Variants in PLEKHA5 observed in about 807,000 individuals in gnomAD.
The protein encoded by PLEKHA5 is pleckstrin homology domain-containing family A member 5.
In PLEKHA5, 55 loss-of-function variants were observed where a neutral mutation model predicts 181.9. The ratio of observed to expected loss-of-function variants is 0.30; its 90% CI spans 0.24 to 0.38. PLEKHA5 has a LOEUF of 0.38. Among genes scored for constraint, PLEKHA5 ranks in the 10% least tolerant of loss-of-function variants. The probability of loss-of-function intolerance (pLI) is 1.00; values close to 1 mark genes in which losing one functional copy is unlikely to be tolerated. For missense variants in PLEKHA5, 1,432 were observed against 1,549.5 expected (o/e 0.92, Z 1.27); for synonymous variants, 535 against 529.4 (o/e 1.01, Z -0.15).
intron 21 of PLEKHA5, among the ~76,000 whole-genome samples, chr12:19,340,468 G>C (rs2093801139): frequency 2.2e-5 from 3 of 136,900 alleles, no homozygotes; most frequent in Middle Eastern, 3.6e-3. Context: ...ACAGCTCATT[G>C]AGAACGGGCC....
chr12:19,281,951 T>C lies in PLEKHA5; in HGVS notation c.1314-1329T>C, dbSNP rs375194873. ...CACCTGCCACCACGCCCGGCTAATT[T>C]TTTTGTATTTTTCGAAGAGACGGGG... On this transcript the variant is annotated intron_variant, in intron 11 of 31. Coordinates refer to ENST00000429027, the MANE Select transcript of PLEKHA5 (RefSeq NM_001256470.2). 1.4e-4 allele frequency among the ~76,000 whole-genome samples: 21 copies of C among 151,826 alleles called. No homozygotes were observed. The East Asian group carries it at 2.5e-3, about 18-fold the overall frequency.
At chr12:19,289,163 T>A (rs986576951) in intron 13 of PLEKHA5, among the ~76,000 whole-genome samples, 10 of 152,328 alleles carry the variant, frequency 6.6e-5, no homozygotes, top group African/African-American at 2.4e-4. Context: ...GTTCTTTTTC[T>A]CTTACATGGT....
chr12:19,275,488 G>C (rs1229574297), intron 11 of PLEKHA5, among the ~76,000 whole-genome samples: 1 of 152,202 alleles, frequency 6.6e-6, no homozygotes, highest in Non-Finnish European at 1.5e-5. Context: ...TTCAAGGCCA[G>C]GCGCAGTTTT....
intron 10 of PLEKHA5, among the ~76,000 whole-genome samples, chr12:19,274,018 G>C (rs888881097): frequency 1.3e-5 from 2 of 152,190 alleles, no homozygotes; most frequent in Non-Finnish European, 2.9e-5. Context: ...AGTTCCTCTT[G>C]AATACAAACA....
rs2091150564 is a variant in PLEKHA5 at position 19,322,625 on chromosome 12, T to C, written c.2406T>C (p.Asn802=). The C allele has an allele frequency of 1.2e-6, 2 of 1,613,826 alleles. No homozygotes were observed. Among genetic ancestry groups the C allele is most frequent in the African/African-American group, 1.3e-5 (1 of 74,900 alleles). The change falls in exon 20 of 32, where the codon AAT becomes AAC. Residue 802 remains asparagine, a synonymous_variant. Coordinates refer to ENST00000429027, the MANE Select transcript of PLEKHA5 (RefSeq NM_001256470.2). The stretch of plus-strand genomic sequence containing the variant: ...TGTTACAAAGGGATGATTTACAAAA[T>C]GGACTGCTTAGTACGTGTCGAGAAC... The part of the protein sequence containing the change: ...TVVLQRDDLQ[N]GLLSTCRELS...
intron 3 of PLEKHA5, among the ~76,000 whole-genome samples, chr12:19,171,616 C>G (rs2045912300): frequency 6.6e-6 from 1 of 152,124 alleles, no homozygotes; most frequent in Non-Finnish European, 1.5e-5. Flanking sequence ...ACCTTAGCCT[C>G]CCAGAGTGCT....
At chr12:19,354,191 G>A (rs545504499) in intron 26 of PLEKHA5, among the ~76,000 whole-genome samples, 189 bp downstream of exon 26, 2 of 105,208 alleles carry the variant, frequency 1.9e-5, no homozygotes, top group Non-Finnish European at 3.4e-5. Context: ...TCGCTCTGTC[G>A]CCCAGGCTGG....
chr12:19,200,472 T>TC, intron 3 of PLEKHA5: 1 of 1,407,448 alleles, frequency 7.1e-7, no homozygotes, highest in South Asian at 1.7e-5. Flanking sequence ...GTCTTCGTTA[T>TC]CCAGTAGCTT....
intron 3 of PLEKHA5, among the ~76,000 whole-genome samples, chr12:19,157,873 C>T (rs530795555): frequency 6.6e-6 from 1 of 152,126 alleles, no homozygotes; most frequent in South Asian, 2.1e-4. Flanking sequence ...AAAAATTCAC[C>T]AGATTGAAAA....
At chr12:19,159,806 TATTTGAAGCCCGTAGAGACAGGCAAG>T in intron 3 of PLEKHA5, among the ~76,000 whole-genome samples, 1 of 152,242 alleles carries the variant, frequency 6.6e-6, no homozygotes, top group South Asian at 2.1e-4. Context: ...TACTCAAAAG[TATTTGAAGCCCGTAGAGACAGGCAAG>T]GCCTTTAGGA....
At chr12:19,261,878 A>AT (rs2068620585) in intron 7 of PLEKHA5, among the ~76,000 whole-genome samples, 1 of 152,204 alleles carries the variant, frequency 6.6e-6, no homozygotes. Context: ...AAGCATTGTA[A>AT]TACATATTAA....
chr12:19,319,981 T>C (rs562443942), intron 16 of PLEKHA5, 40 bp from the exon 17 acceptor site: 2 of 1,295,828 alleles, frequency 1.5e-6, no homozygotes, highest in South Asian at 2.7e-5. Flanking sequence ...GATTTTCCTC[T>C]TTTCAATTAA....
At chr12:19,251,842 A>G (rs1254513852) in intron 3 of PLEKHA5, among the ~76,000 whole-genome samples, 2 of 151,678 alleles carry the variant, frequency 1.3e-5, no homozygotes, top group Non-Finnish European at 2.9e-5. Context: ...AAACTTTGGT[A>G]GAATTGAGAA....
chr12:19,339,627 A>C (rs2093704477), intron 21 of PLEKHA5, among the ~76,000 whole-genome samples: 1 of 152,154 alleles, frequency 6.6e-6, no homozygotes, highest in Non-Finnish European at 1.5e-5. Context: ...TTTCTAAAGA[A>C]ATTTCTGAAA....
At chr12:19,361,224 C>T (rs1197848484) in intron 28 of PLEKHA5, among the ~76,000 whole-genome samples, 1 of 152,158 alleles carries the variant, frequency 6.6e-6, no homozygotes, top group Non-Finnish European at 1.5e-5. Context: ...CGCTCTGTCA[C>T]CCAGGCTGGA....
At chr12:19,144,978 T>A (rs1264823031) in intron 3 of PLEKHA5, among the ~76,000 whole-genome samples, 1 of 152,226 alleles carries the variant, frequency 6.6e-6, no homozygotes, top group Non-Finnish European at 1.5e-5. Context: ...AAGATATAAA[T>A]AATTGGTATC....
intron 3 of PLEKHA5, among the ~76,000 whole-genome samples, chr12:19,189,947 G>A (rs1366429472): frequency 6.6e-6 from 1 of 152,106 alleles, no homozygotes; most frequent in African/African-American, 2.4e-5. Context: ...CATTCTAGTG[G>A]AATTTGGTTA....
intron 2 of PLEKHA5, among the ~76,000 whole-genome samples, chr12:19,131,881 C>T (rs2033985186): frequency 6.6e-6 from 1 of 152,330 alleles, no homozygotes; most frequent in East Asian, 1.9e-4. Flanking sequence ...TTTTTAGAAA[C>T]ACACACGGAA....
chr12:19,142,279 G>A (rs2037592460), intron 3 of PLEKHA5, among the ~76,000 whole-genome samples: 1 of 152,118 alleles, frequency 6.6e-6, no homozygotes, highest in African/African-American at 2.4e-5. Flanking sequence ...TGAGGCAGAA[G>A]GATTGCTTGA....
Sources: allele counts gnomAD v4.1 joint callset (sites outside exome capture counted in the v4.1 genomes callset), GRCh38; gene constraint gnomAD v4.1.1; transcripts MANE v1.5; gene names NCBI Gene and HGNC (gene_info 2026-07-23, HGNC 2026-07-21).